The following PRKN variants were observed in gnomAD, a reference collection of about 807,000 sequenced individuals.
PRKN encodes the protein parkin RBR E3 ubiquitin protein ligase.
A neutral mutation model predicts 59.5 loss-of-function variants in PRKN; 56 were observed. The ratio of observed to expected loss-of-function variants is 0.94; its 90% CI spans 0.76 to 1.18. PRKN has a LOEUF of 1.18. PRKN is among the 50% of genes most tolerant of loss of function. PRKN has a pLI of 0.00. For missense variants in PRKN, 657 were observed against 596.4 expected (o/e 1.10, Z -1.06); for synonymous variants, 250 against 222.1 (o/e 1.13, Z -1.12).
intron 4 of PRKN, among the ~76,000 whole-genome samples, chr6:162,122,716 T>TTCTATCTA (rs71544924): frequency 0.03 from 4,409 of 147,880 alleles, 75 homozygotes; most frequent in African/African-American, 0.039. Context: ...GCTCAATCTG[T>TTCTATCTA]TCTATCTATC....
chr6:162,490,744 C>T (rs1792771076), intron 1 of PRKN, among the ~76,000 whole-genome samples: 1 of 152,158 alleles, frequency 6.6e-6, no homozygotes, highest in South Asian at 2.1e-4. Flanking sequence ...ACTCTCAATG[C>T]CTACAAAGTT....
intron 6 of PRKN, among the ~76,000 whole-genome samples, chr6:161,857,382 A>C (rs1793699936): frequency 6.6e-6 from 1 of 152,228 alleles, no homozygotes; most frequent in African/African-American, 2.4e-5. Context: ...CTTACAAAAC[A>C]GGTGGTGGGC....
chr6:162,447,940 A>C (rs1790400794), intron 1 of PRKN, among the ~76,000 whole-genome samples: 1 of 152,208 alleles, frequency 6.6e-6, no homozygotes, highest in Admixed American at 6.5e-5. Context: ...GACTAATCAA[A>C]GTCATATCCA....
chr6:161,986,491 C>CTTTT (rs66655962), intron 5 of PRKN, among the ~76,000 whole-genome samples: 2 of 139,424 alleles, frequency 1.4e-5, no homozygotes, highest in African/African-American at 5.3e-5. Flanking sequence ...CTGCAGTGTC[C>CTTTT]TTTTTTTTTT....
chr6:162,332,201 C>T (rs1438296060), intron 2 of PRKN, among the ~76,000 whole-genome samples: 1 of 152,154 alleles, frequency 6.6e-6, no homozygotes, highest in Non-Finnish European at 1.5e-5. Context: ...ACATACAATT[C>T]CAAATTATTA....
intron 4 of PRKN, among the ~76,000 whole-genome samples, chr6:162,076,522 G>A (rs1778833977): frequency 1.3e-5 from 2 of 151,886 alleles, no homozygotes; most frequent in Admixed American, 1.3e-4. Context: ...TATAATCAAA[G>A]TCCAATCACC....
chr6:161,567,968 A>C (rs1454795648), intron 8 of PRKN, among the ~76,000 whole-genome samples: 1 of 152,188 alleles, frequency 6.6e-6, no homozygotes, highest in Non-Finnish European at 1.5e-5. Flanking sequence ...TCAGTTGTCA[A>C]CTTTTACCTG....
intron 2 of PRKN, among the ~76,000 whole-genome samples, chr6:162,338,983 C>T (rs960441335): frequency 6.6e-6 from 1 of 151,290 alleles, no homozygotes; most frequent in Non-Finnish European, 1.5e-5. Context: ...GCCCGGCCAC[C>T]CTGTCTGAGA....
At chr6:162,064,442 C>T (rs371006192) in intron 4 of PRKN, among the ~76,000 whole-genome samples, 87 of 152,324 alleles carry the variant, frequency 5.7e-4, no homozygotes, top group Middle Eastern at 6.8e-3. Flanking sequence ...TCCCATCCTT[C>T]AGTGATTTCC....
intron 3 of PRKN, among the ~76,000 whole-genome samples, chr6:162,226,788 A>G (rs1778198717): frequency 6.6e-6 from 1 of 152,178 alleles, no homozygotes; most frequent in Non-Finnish European, 1.5e-5. Context: ...CGAAGACTCC[A>G]TGAGTATAAC....
chr6:162,503,136 C>CTTTTTTTTTTTTTTTTTT (rs10629175), intron 1 of PRKN, among the ~76,000 whole-genome samples: 1 of 81,120 alleles, frequency 1.2e-5, no homozygotes, highest in African/African-American at 5.0e-5. Context: ...GTCTTCATTT[C>CTTTTTTTTTTTTTTTTTT]TTTTTTTTTT....
chr6:161,750,142 C>CAT (rs1554300410), intron 7 of PRKN, among the ~76,000 whole-genome samples: 4 of 136,980 alleles, frequency 2.9e-5, no homozygotes, highest in African/African-American at 5.4e-5. Context: ...CACACACACA[C>CAT]ATATATAAAT....
At chr6:162,647,380 G>A (rs1314535578) in intron 1 of PRKN, among the ~76,000 whole-genome samples, 2 of 151,954 alleles carry the variant, frequency 1.3e-5, no homozygotes, top group African/African-American at 2.4e-5. Context: ...TGTCATGGAG[G>A]GCTATTTTAG....
At chr6:161,519,141 A>G (rs149837106) in intron 9 of PRKN, among the ~76,000 whole-genome samples, 1 of 152,240 alleles carries the variant, frequency 6.6e-6, no homozygotes, top group Non-Finnish European at 1.5e-5. Context: ...AAAAAGTGGA[A>G]TGTTTAATAC....
intron 7 of PRKN, among the ~76,000 whole-genome samples, chr6:161,624,694 A>G (rs530061702): frequency 1.3e-5 from 2 of 152,362 alleles, no homozygotes; most frequent in South Asian, 2.1e-4. Context: ...TGGGAAATAC[A>G]TTTTCATCCC....
chr6:162,054,968 TCTGA>T (rs1163679703), intron 4 of PRKN, among the ~76,000 whole-genome samples: 1 of 152,056 alleles, frequency 6.6e-6, no homozygotes, highest in Non-Finnish European at 1.5e-5. Flanking sequence ...TCAAGACCAG[TCTGA>T]CTAACATGGC....
intron 7 of PRKN, among the ~76,000 whole-genome samples, chr6:161,701,873 A>G (rs1312593976): frequency 1.3e-5 from 2 of 152,218 alleles, no homozygotes; most frequent in African/African-American, 4.8e-5. Flanking sequence ...AAAAAAATCT[A>G]TGGGAATTTG....
In PRKN at chr6:161,821,905, T is replaced by G. The variant is rs551596164; in HGVS notation, c.735-35997A>C. On this transcript the variant is annotated intron_variant, in intron 6 of 11. Coordinates refer to ENST00000366898, the MANE Select transcript of PRKN (RefSeq NM_004562.3). ...CTGGGACTACAGATGTGCATCACCATGCTCAGCTGATTTTTGTATTTTTAG... is the reference window on the plus strand; with the variant it reads ...CTGGGACTACAGATGTGCATCACCAGGCTCAGCTGATTTTTGTATTTTTAG... Among the ~76,000 whole-genome samples the G allele has an allele frequency of 4.6e-5, 7 of 152,030 alleles. No individual in the cohort carries two copies. The East Asian group carries it at 1.2e-3, about 25-fold the overall frequency.
At chr6:161,436,194 AGGATGGGAGGGCAGAGAGCAGAGGGTG>A (rs1788888673) in intron 9 of PRKN, among the ~76,000 whole-genome samples, 1 of 48,028 alleles carries the variant, frequency 2.1e-5, no homozygotes, top group African/African-American at 7.3e-5. Context: ...AGCAGGGGGC[AGGATGGGAGGGCAGAGAGCAGAGGGTG>A]GGATGGGAGG....
Sources: gnomAD v4.1 joint callset for allele counts (sites outside exome capture counted in the v4.1 genomes callset) on GRCh38, gnomAD v4.1.1 for gene constraint, MANE v1.5 for transcripts, NCBI Gene and HGNC (gene_info 2026-07-23, HGNC 2026-07-21) for gene names.